Variants in SCN1A observed in about 807,000 individuals in gnomAD.
SCN1A encodes sodium channel protein type 1 subunit alpha.
SCN1A carries 13 observed loss-of-function variants against 193.7 expected under a neutral mutation model. The ratio of observed to expected loss-of-function variants is 0.07; its 90% CI spans 0.04 to 0.11. SCN1A has a LOEUF of 0.11. Among genes scored for constraint, SCN1A ranks in the 10% least tolerant of loss-of-function variants. SCN1A has a pLI of 1.00. For missense variants in SCN1A, 1,432 were observed against 2,451.1 expected, an observed-to-expected ratio of 0.58 and a Z score of 8.78; for synonymous variants, 781 against 843.6, an observed-to-expected ratio of 0.93 and a Z score of 1.29.
rs1253026084 is a variant in SCN1A, at chr2:165,986,655, T to C, written c.*4590A>G. 2.1e-5 allele frequency: 3 copies of C among 143,958 alleles called. No individual in the cohort carries two copies. The highest frequency in any genetic ancestry group is 4.5e-5 in the Non-Finnish European group (3 of 66,730). 8.9% of individuals were successfully genotyped at this position (143,958 alleles called of 1,614,324 possible). ...AAAGTCCAGGGCATACAAAATATGA[T>C]AGTGTGAACACGCAGACATAGGCAC... On this transcript the variant is annotated 3_prime_UTR_variant, in exon 29 of 29. Transcript: ENST00000674923.
At chr2:166,125,388 C>T (rs1691122850) in intron 2 of SCN1A, among the ~76,000 whole-genome samples, 1 of 152,194 alleles carries the variant, frequency 6.6e-6, no homozygotes, top group African/African-American at 2.4e-5. Flanking sequence ...GAAAGCAATA[C>T]CTTTCAAGGT....
intron 3 of SCN1A, among the ~76,000 whole-genome samples, chr2:166,076,702 T>C (rs1685018441): frequency 6.6e-6 from 1 of 151,830 alleles, no homozygotes; most frequent in Non-Finnish European, 1.5e-5. Context: ...AGTGGATCAA[T>C]GGAATAGGAT....
chr2:166,006,481 A>C (rs1367122169), intron 23 of SCN1A, among the ~76,000 whole-genome samples: 1 of 151,354 alleles, frequency 6.6e-6, no homozygotes, highest in Non-Finnish European at 1.5e-5. Flanking sequence ...ACTTATTCTA[A>C]GAAGTGAGTT....
intron 19 of SCN1A, among the ~76,000 whole-genome samples, chr2:166,021,315 T>A (rs1450907186): frequency 6.6e-6 from 1 of 152,152 alleles, no homozygotes; most frequent in Non-Finnish European, 1.5e-5. Context: ...TGTTAGTGCT[T>A]TTTCTAGAAA....
chr2:166,051,000 G>A (rs1698493721), intron 9 of SCN1A, among the ~76,000 whole-genome samples: 1 of 151,826 alleles, frequency 6.6e-6, no homozygotes, highest in Non-Finnish European at 1.5e-5. Flanking sequence ...TAAAGACATT[G>A]TGTAATTAAT....
chr2:166,039,208 C>T (rs1412044851), intron 17 of SCN1A, among the ~76,000 whole-genome samples: 1 of 152,004 alleles, frequency 6.6e-6, no homozygotes, highest in Non-Finnish European at 1.5e-5. Context: ...CTGAGTAATA[C>T]GTTAACTTTT....
At chr2:166,011,407 C>T (rs186297083) in intron 22 of SCN1A, among the ~76,000 whole-genome samples, 159 of 151,062 alleles carry the variant, frequency 1.1e-3, no homozygotes, top group Middle Eastern at 0.01. Context: ...CACTTGTTTT[C>T]AGTAAATGCA....
chr2:166,035,982 A>G, intron 19 of SCN1A, 66 bp downstream of exon 19: 1 of 1,497,636 alleles, frequency 6.7e-7, no homozygotes, highest in Non-Finnish European at 9.2e-7. Context: ...GCTGAGGATC[A>G]TCTGTATGTG....
At chr2:166,002,913 T>A (rs1184761239) in intron 23 of SCN1A, 160 bp from the exon 24 acceptor site, 2 of 551,890 alleles carry the variant, frequency 3.6e-6, no homozygotes, top group Non-Finnish European at 5.9e-6. Flanking sequence ...TTAAAATTCA[T>A]TTTTTTTTCT....
intron 2 of SCN1A, among the ~76,000 whole-genome samples, chr2:166,080,016 A>G (rs551414552): frequency 6.6e-6 from 1 of 151,772 alleles, no homozygotes; most frequent in Non-Finnish European, 1.5e-5. Context: ...AAAAACTGTC[A>G]GATGTCATTC....
chr2:166,044,309 T>C (rs986798869), intron 13 of SCN1A, among the ~76,000 whole-genome samples: 9 of 151,546 alleles, frequency 5.9e-5, no homozygotes, highest in African/African-American at 1.7e-4. Flanking sequence ...CACACACACA[T>C]ACACACACAC....
intron 2 of SCN1A, among the ~76,000 whole-genome samples, chr2:166,108,728 T>C (rs969308773): frequency 4.6e-5 from 7 of 152,144 alleles, no homozygotes; most frequent in African/African-American, 1.4e-4. Flanking sequence ...CATTGCATGA[T>C]TCTATTCATA....
intron 12 of SCN1A, among the ~76,000 whole-genome samples, chr2:166,045,654 G>T (rs752656417): frequency 2.4e-4 from 36 of 152,048 alleles, no homozygotes; most frequent in Non-Finnish European, 4.9e-4. Context: ...TTAAAAATTG[G>T]TATTTAATTA....
At chr2:166,129,407 A>G (rs1329491006), upstream of SCN1A, among the ~76,000 whole-genome samples, 1 of 152,308 alleles carries the variant, frequency 6.6e-6, no homozygotes, top group Admixed American at 6.5e-5. Context: ...CATCTTGTGG[A>G]TCCATCTTTT....
At chr2:166,029,995 CTG>C (rs1695332668) in intron 19 of SCN1A, among the ~76,000 whole-genome samples, 1 of 152,172 alleles carries the variant, frequency 6.6e-6, no homozygotes, top group Non-Finnish European at 1.5e-5. Context: ...CAGGAGGACT[CTG>C]AAACACTCCA....
chr2:166,140,209 G>C (rs75214940), intron 1 of SCN1A, among the ~76,000 whole-genome samples: 1 of 152,008 alleles, frequency 6.6e-6, no homozygotes, highest in African/African-American at 2.4e-5. Context: ...TTACCATAAG[G>C]CCATACTAAA....
At chr2:166,079,442 A>G (rs1156593416) in intron 2 of SCN1A, among the ~76,000 whole-genome samples, 1 of 146,894 alleles carries the variant, frequency 6.8e-6, no homozygotes, top group African/African-American at 2.5e-5. Context: ...CTTATCTAGT[A>G]TGTCTTTTTC....
chr2:166,088,728 T>C (rs762041976), intron 2 of SCN1A, among the ~76,000 whole-genome samples: 1 of 152,214 alleles, frequency 6.6e-6, no homozygotes, highest in African/African-American at 2.4e-5. Context: ...AGGGCATTAT[T>C]GTTTTAGAAT....
At chr2:166,013,695 G>T in intron 21 of SCN1A, 49 bp downstream of exon 21, 3 of 1,537,162 alleles carry the variant, frequency 2.0e-6, no homozygotes, top group Non-Finnish European at 2.7e-6. Context: ...ATCAGTATTA[G>T]AGTGTTCTAA....
Sources: allele counts gnomAD v4.1 joint callset (sites outside exome capture counted in the v4.1 genomes callset), GRCh38; gene constraint gnomAD v4.1.1; transcripts MANE v1.5; gene names NCBI Gene and HGNC (gene_info 2026-07-23, HGNC 2026-07-21).